TNFAIP8: variants seen among roughly 807,000 people sequenced by gnomAD.
TNFAIP8 encodes the protein TNF alpha induced protein 8.
TNFAIP8 carries 7 observed loss-of-function variants against 13.3 expected under a neutral mutation model. The ratio of observed to expected loss-of-function variants is 0.52; its 90% CI spans 0.30 to 0.99. The LOEUF (loss-of-function observed/expected upper bound fraction) is 0.99. Among genes scored for constraint, TNFAIP8 ranks in the 50% least tolerant of loss-of-function variants. The pLI is 0.07. For synonymous variants in TNFAIP8, 94 were observed against 87.6 expected, an observed-to-expected ratio of 1.07 and a Z score of -0.41; for missense variants, 258 against 236.9, an observed-to-expected ratio of 1.09 and a Z score of -0.58.
intron 1 of TNFAIP8, among the ~76,000 whole-genome samples, chr5:119,384,679 A>T (rs1411575875): frequency 6.6e-6 from 1 of 152,192 alleles, no homozygotes; most frequent in Non-Finnish European, 1.5e-5. Flanking sequence ...TTCATTTCCC[A>T]TAACCTCTAT....
At chr5:119,340,359 G>A (rs546839824) in intron 1 of TNFAIP8, among the ~76,000 whole-genome samples, 1 of 152,158 alleles carries the variant, frequency 6.6e-6, no homozygotes, top group Non-Finnish European at 1.5e-5. Context: ...ACAGAAATTC[G>A]ATTCAGGAAC....
Position 119,272,525 on chromosome 5 carries a change from A to G in TNFAIP8, c.1+3618A>G, listed in dbSNP as rs549080843. Among the ~76,000 whole-genome samples, 3 of 152,372 alleles carry G rather than the reference A, an allele frequency of 2.0e-5. No homozygotes were observed. The South Asian group carries it at 6.2e-4, about 32-fold the overall frequency. Reference sequence around the variant, plus strand: ...ATATTTGTCTTTCTCAACAATAAGAAACTCAAAAGAAGCACATTTCTGCCA... The same window carrying G: ...ATATTTGTCTTTCTCAACAATAAGAGACTCAAAAGAAGCACATTTCTGCCA... On this transcript the variant is annotated intron_variant, in intron 1 of 1. Transcript: ENST00000274456.
chr5:119,302,569 T>C (rs1040246897), intron 1 of TNFAIP8, among the ~76,000 whole-genome samples: 3 of 152,190 alleles, frequency 2.0e-5, no homozygotes, highest in African/African-American at 7.2e-5. Flanking sequence ...ACCTTTATCA[T>C]ATTGAATAAC....
intron 1 of TNFAIP8, among the ~76,000 whole-genome samples, chr5:119,288,201 G>A (rs1431502564): frequency 6.6e-6 from 1 of 152,140 alleles, no homozygotes; most frequent in South Asian, 2.1e-4. Context: ...AATATACACA[G>A]TTTAATGTTC....
intron 1 of TNFAIP8, among the ~76,000 whole-genome samples, chr5:119,340,086 G>A (rs548692516): frequency 6.6e-6 from 1 of 152,180 alleles, no homozygotes; most frequent in Non-Finnish European, 1.5e-5. Flanking sequence ...AAGTCACAGT[G>A]ACACAAGAAA....
chr5:119,366,052 A>G (rs1248331293), intron 1 of TNFAIP8, among the ~76,000 whole-genome samples: 2 of 150,110 alleles, frequency 1.3e-5, no homozygotes, highest in Non-Finnish European at 3.0e-5. Flanking sequence ...TGAGAGCAAC[A>G]GGGTGGGTGG....
intron 1 of TNFAIP8, among the ~76,000 whole-genome samples, chr5:119,324,625 A>C (rs547343456): frequency 6.6e-6 from 1 of 152,166 alleles, no homozygotes; most frequent in East Asian, 1.9e-4. Flanking sequence ...TTCATGGGAT[A>C]TCCTCTCTGC....
At chr5:119,352,487 C>T (rs1309693837), upstream of TNFAIP8, among the ~76,000 whole-genome samples, 1 of 152,134 alleles carries the variant, frequency 6.6e-6, no homozygotes, top group Non-Finnish European at 1.5e-5. Context: ...AGGTCCATAA[C>T]TAGTTTACAG....
intron 1 of TNFAIP8, among the ~76,000 whole-genome samples, chr5:119,360,856 CAA>C (rs1157805367): frequency 6.6e-6 from 1 of 152,108 alleles, no homozygotes; most frequent in Non-Finnish European, 1.5e-5. Context: ...ACGTGTAACT[CAA>C]GAGAATAAAA....
At chr5:119,275,933 C>T (rs1748428662) in intron 1 of TNFAIP8, among the ~76,000 whole-genome samples, 1 of 152,040 alleles carries the variant, frequency 6.6e-6, no homozygotes, top group Non-Finnish European at 1.5e-5. Flanking sequence ...CCCAGGTTTG[C>T]TGCCCTGGAG....
intron 1 of TNFAIP8, among the ~76,000 whole-genome samples, chr5:119,318,548 A>C (rs1480927765): frequency 2.6e-5 from 4 of 152,088 alleles, no homozygotes; most frequent in Non-Finnish European, 4.4e-5. Context: ...CTCGTGCTTC[A>C]GTCTCCCAAA....
rs6595185 is a variant in TNFAIP8 at position 119,356,234 on chromosome 5, T to A, written c.31+113T>A. 109 of 990,528 alleles carry A rather than the reference T, an allele frequency of 1.1e-4. 1 individual carries two copies. In the East Asian group the frequency reaches 2.6e-3, roughly 23 times the overall value. 61.4% of individuals were successfully genotyped at this position (990,528 alleles called of 1,614,324 possible). On this transcript the variant is annotated intron_variant, in intron 1 of 1. Coordinates refer to ENST00000504771, the MANE Select transcript of TNFAIP8 (RefSeq NM_014350.4). ...AGTGAGCGGTGGGCACTTTGTCCGC[T>A]TGCCCTGCGCCTTCGAAGCCAAGTC...
In TNFAIP8 at chr5:119,393,218, G is replaced by A. The variant is rs570815391; in HGVS notation, c.434G>A (p.Arg145His). ...GAGATGCTGCACCAAATCATTCAGC[G>A]CCACCTCACTGCCAAGTCACATGGA... is the stretch of plus-strand genomic sequence containing the variant. ...CREMLHQIIQ[R>H]HLTAKSHGRV... Residue 145 changes from arginine (R) to histidine (H), a missense_variant, in exon 2 of 2, where the codon CGC (arginine) becomes CAC (histidine). By Grantham distance (29) the Arg-to-His change is conservative (BLOSUM62 0). Transcript: ENST00000504771. The A allele has an allele frequency of 6.2e-6, 10 of 1,613,970 alleles. No individual in the cohort carries two copies. The highest frequency in any genetic ancestry group is 3.3e-5 in the South Asian group (3 of 91,082).
chr5:119,300,049 C>G (rs562196496), intron 1 of TNFAIP8, among the ~76,000 whole-genome samples: 2 of 152,342 alleles, frequency 1.3e-5, no homozygotes, highest in East Asian at 3.9e-4. Context: ...ACTCCCTGAC[C>G]CCTTGTGCTT....
intron 1 of TNFAIP8, among the ~76,000 whole-genome samples, chr5:119,287,086 C>A (rs1366813452): frequency 6.6e-6 from 1 of 152,122 alleles, no homozygotes; most frequent in Admixed American, 6.5e-5. Context: ...ATTAGCCTAC[C>A]CTTTAGGAGC....
upstream of TNFAIP8, among the ~76,000 whole-genome samples, chr5:119,352,477 A>C (rs1751205855): frequency 2.0e-5 from 3 of 152,230 alleles, no homozygotes; most frequent in South Asian, 6.2e-4. Flanking sequence ...TAGAGGCTAT[A>C]GGTCCATAAC....
chr5:119,315,697 G>C (rs1003580935), intron 1 of TNFAIP8, among the ~76,000 whole-genome samples: 2 of 152,152 alleles, frequency 1.3e-5, no homozygotes, highest in African/African-American at 4.8e-5. Flanking sequence ...CATGTGGGCT[G>C]TTCATGACCT....
At chr5:119,357,969 G>T (rs1751496976) in intron 1 of TNFAIP8, among the ~76,000 whole-genome samples, 1 of 152,064 alleles carries the variant, frequency 6.6e-6, no homozygotes, top group Non-Finnish European at 1.5e-5. Context: ...CTCCAAGGCT[G>T]GTTCATTGGC....
At chr5:119,371,171 G>C (rs1166884650) in intron 1 of TNFAIP8, among the ~76,000 whole-genome samples, 1 of 152,100 alleles carries the variant, frequency 6.6e-6, no homozygotes, top group Non-Finnish European at 1.5e-5. Context: ...CATTAACAAG[G>C]AAGATAAGAC....
Sources: allele counts gnomAD v4.1 joint callset (sites outside exome capture counted in the v4.1 genomes callset), GRCh38; gene constraint gnomAD v4.1.1; transcripts MANE v1.5; gene names NCBI Gene and HGNC (gene_info 2026-07-23, HGNC 2026-07-21).